Variants in OR2L13 observed in about 807,000 individuals in gnomAD.
OR2L13 encodes olfactory receptor 2L13.
In OR2L13, 14 loss-of-function variants were observed where a neutral mutation model predicts 15.3. That is an observed-to-expected ratio of 0.91 (90% CI 0.60 to 1.43). OR2L13 has a LOEUF of 1.43. Among genes scored for constraint, OR2L13 ranks in the 40% most tolerant of loss-of-function variants. The pLI, the probability that OR2L13 is intolerant of heterozygous loss-of-function variation, is 0.00. For missense variants in OR2L13, 367 were observed against 387.9 expected (o/e 0.95, Z 0.45); for synonymous variants, 152 against 142.9 (o/e 1.06, Z -0.45).
chr1:247,974,876 C>A, the OR2L13 span: 1 of 243,836 alleles, frequency 4.1e-6, no homozygotes, highest in Middle Eastern at 5.1e-4. Flanking sequence ...AGTCCGTGAT[C>A]CTTCTCATCT....
At chr1:248,024,188 T>G in the OR2L13 span, 2 of 152,136 alleles carry the variant, frequency 1.3e-5, no homozygotes, top group African/African-American at 4.8e-5. Context: ...GCTTTAGGTA[T>G]TTGTCCTAAT....
the OR2L13 span, among the ~76,000 whole-genome samples, chr1:248,060,349 A>G: frequency 6.6e-6 from 1 of 152,208 alleles, no homozygotes; most frequent in Non-Finnish European, 1.5e-5. Context: ...CAAAATAGGT[A>G]AGAAGTCAGA....
chr1:247,997,327 ATATT>A, the OR2L13 span, among the ~76,000 whole-genome samples: 2 of 152,160 alleles, frequency 1.3e-5, no homozygotes, highest in Non-Finnish European at 2.9e-5. Context: ...TATTTTCTAA[ATATT>A]AATAAAGCAG....
the OR2L13 span, among the ~76,000 whole-genome samples, chr1:248,088,516 G>T: frequency 1.3e-5 from 2 of 152,216 alleles, no homozygotes; most frequent in South Asian, 4.1e-4. Flanking sequence ...ATTGGTAAAC[G>T]TTCTGGGAGA....
At chr1:247,986,412 A>G in the OR2L13 span, among the ~76,000 whole-genome samples, 1 of 152,162 alleles carries the variant, frequency 6.6e-6, no homozygotes, top group African/African-American at 2.4e-5. Flanking sequence ...GTCAAAGATC[A>G]GATGGTTGTA....
the OR2L13 span, among the ~76,000 whole-genome samples, chr1:248,088,930 G>A: frequency 2.6e-5 from 4 of 151,782 alleles, no homozygotes; most frequent in Admixed American, 6.6e-5. Context: ...TTCCAATACC[G>A]CTTCTCCAAC....
the OR2L13 span, among the ~76,000 whole-genome samples, chr1:247,959,217 GA>G: frequency 1.3e-5 from 2 of 151,930 alleles, no homozygotes; most frequent in Admixed American, 1.3e-4. Context: ...AGTTTGGCTG[GA>G]TATGAAATTC....
the OR2L13 span, among the ~76,000 whole-genome samples, chr1:247,976,247 A>ACATCACAACACAT: frequency 2.0e-5 from 3 of 152,328 alleles, no homozygotes; most frequent in East Asian, 5.8e-4. Flanking sequence ...TTCCCCAGTC[A>ACATCACAACACAT]CATCACAACA....
the OR2L13 span, among the ~76,000 whole-genome samples, chr1:248,010,763 G>GTTGTT: frequency 6.7e-5 from 3 of 44,458 alleles, no homozygotes; most frequent in African/African-American, 9.9e-5. Context: ...CTTTGTTGTT[G>GTTGTT]TTTTTTTTTT....
the OR2L13 span, chr1:248,022,000 C>T: frequency 6.2e-7 from 1 of 1,613,848 alleles, no homozygotes; most frequent in Non-Finnish European, 8.5e-7. Context: ...GGGCTGTTCC[C>T]ACCATCAAAA....
At chr1:248,087,289 A>T in the OR2L13 span, among the ~76,000 whole-genome samples, 1 of 152,198 alleles carries the variant, frequency 6.6e-6, no homozygotes, top group African/African-American at 2.4e-5. Flanking sequence ...TTCTGGGTAG[A>T]CACAGACTGC....
chr1:248,038,629 G>A, the OR2L13 span: 3,503 of 1,614,128 alleles, frequency 2.2e-3, 67 homozygotes, highest in African/African-American at 0.04. Context: ...GCCTATGATC[G>A]TTATGTGGCC....
the OR2L13 span, among the ~76,000 whole-genome samples, chr1:248,060,399 AAGAT>A: frequency 6.6e-6 from 1 of 152,230 alleles, no homozygotes; most frequent in South Asian, 2.1e-4. Flanking sequence ...TTGAGAGAGA[AAGAT>A]AGAGACCATA....
At chr1:247,980,967 A>G in the OR2L13 span, 1 of 152,186 alleles carries the variant, frequency 6.6e-6, no homozygotes. Context: ...TAAAATTTTT[A>G]TTGATCACAG....
At chr1:248,051,873 G>A in the OR2L13 span, among the ~76,000 whole-genome samples, 750 of 152,122 alleles carry the variant, frequency 4.9e-3, 5 homozygotes, top group African/African-American at 0.016. Flanking sequence ...AATGCAGATG[G>A]TTCCAGGTTT....
At chr1:248,085,710 G>T in the OR2L13 span, among the ~76,000 whole-genome samples, 4 of 152,018 alleles carry the variant, frequency 2.6e-5, no homozygotes, top group African/African-American at 7.2e-5. Context: ...GTTTTGTTTT[G>T]TTTACTTAAA....
chr1:248,046,005 A>C, the OR2L13 span: 1 of 152,180 alleles, frequency 6.6e-6, no homozygotes, highest in Non-Finnish European at 1.5e-5. Flanking sequence ...AACTCAAAAA[A>C]ATTAAAATGA....
the OR2L13 span, among the ~76,000 whole-genome samples, chr1:248,067,761 C>T: frequency 7.9e-5 from 12 of 152,326 alleles, no homozygotes; most frequent in South Asian, 2.1e-4. Context: ...GGGTGACAGA[C>T]GGCACCTGGA....
the OR2L13 span, among the ~76,000 whole-genome samples, chr1:247,961,228 C>T: frequency 1.3e-5 from 2 of 152,150 alleles, no homozygotes; most frequent in Admixed American, 1.3e-4. Flanking sequence ...ATAAATTCCA[C>T]ACATCACCAG....
Sources: gnomAD v4.1 joint callset for allele counts (sites outside exome capture counted in the v4.1 genomes callset) on GRCh38, gnomAD v4.1.1 for gene constraint, MANE v1.5 for transcripts, NCBI Gene and HGNC (gene_info 2026-07-23, HGNC 2026-07-21) for gene names.